The following SIAH1 variants were observed in gnomAD, a reference collection of about 807,000 sequenced individuals.
SIAH1 encodes the protein E3 ubiquitin-protein ligase SIAH1.
Under a neutral mutation model 20.0 loss-of-function variants are expected in SIAH1, and 2 were observed. That is an observed-to-expected ratio of 0.10 (90% CI 0.04 to 0.31). The LOEUF (loss-of-function observed/expected upper bound fraction) is 0.31. Among genes scored for constraint, SIAH1 ranks in the 10% least tolerant of loss-of-function variants. The pLI is 1.00. For synonymous variants in SIAH1, 118 were observed against 125.3 expected (o/e 0.94, Z 0.39); for missense variants, 119 against 355.3 (o/e 0.33, Z 5.35).
chr16:48,365,923 C>T, intron 1 of SIAH1: 1 of 1,221,726 alleles, frequency 8.2e-7, no homozygotes, highest in Non-Finnish European at 1.0e-6. Flanking sequence ...TTTGGAGCCT[C>T]GGCCGGGGCT....
intron 1 of SIAH1, among the ~76,000 whole-genome samples, chr16:48,383,184 A>G (rs1162078273): frequency 6.6e-6 from 1 of 152,234 alleles, no homozygotes; most frequent in Non-Finnish European, 1.5e-5. Context: ...TCAGTTTAAA[A>G]TATTAAATGT....
At chr16:48,385,615 T>C (rs1961442449), upstream of SIAH1, among the ~76,000 whole-genome samples, 1 of 151,978 alleles carries the variant, frequency 6.6e-6, no homozygotes, top group Admixed American at 6.5e-5. Flanking sequence ...GCTACTCGGC[T>C]ACCGTTGCTG....
intron 1 of SIAH1, among the ~76,000 whole-genome samples, chr16:48,378,313 AT>A (rs1254527702): frequency 6.6e-6 from 1 of 152,218 alleles, no homozygotes; most frequent in East Asian, 1.9e-4. Context: ...AGACTGTGCC[AT>A]TGCACTCCAG....
intron 1 of SIAH1, among the ~76,000 whole-genome samples, chr16:48,375,058 G>A (rs1040728784): frequency 6.6e-6 from 1 of 152,168 alleles, no homozygotes; most frequent in Non-Finnish European, 1.5e-5. Context: ...GCTACGGCAA[G>A]ATAATTACTT....
At chr16:48,376,640 C>T (rs182528631) in intron 1 of SIAH1, among the ~76,000 whole-genome samples, 19 of 152,046 alleles carry the variant, frequency 1.2e-4, no homozygotes, top group African/African-American at 3.9e-4. Context: ...TACTGGCGCC[C>T]GGCACTACAC....
chr16:48,375,445 G>T (rs543947385), intron 1 of SIAH1, among the ~76,000 whole-genome samples: 4 of 152,142 alleles, frequency 2.6e-5, no homozygotes, highest in Admixed American at 2.0e-4. Flanking sequence ...TTGGAGACCA[G>T]CCTGGCCAAC....
intron 1 of SIAH1, chr16:48,365,834 G>A (rs547557914): frequency 6.0e-5 from 75 of 1,249,502 alleles, no homozygotes; most frequent in Non-Finnish European, 6.8e-5. Context: ...TGCAGGGGGC[G>A]ACGCGCTGGC....
chr16:48,377,390 C>CT (rs774317002), intron 1 of SIAH1, among the ~76,000 whole-genome samples: 16,686 of 132,110 alleles, frequency 0.13, 1,428 homozygotes, highest in African/African-American at 0.22. Flanking sequence ...TTCTGGAAGA[C>CT]TTTTTTTTTT....
chr16:48,380,715 G>A (rs915318893), intron 1 of SIAH1, among the ~76,000 whole-genome samples: 25 of 151,824 alleles, frequency 1.6e-4, no homozygotes, highest in African/African-American at 5.1e-4. Context: ...CTTGAGGTCA[G>A]GAGTTCGAGA....
In SIAH1 at chr16:48,379,462, A is replaced by G. The variant is rs140453321; in HGVS notation, c.-3+5742T>C. On this transcript the variant is annotated intron_variant, in intron 1 of 1. Coordinates refer to ENST00000394725, the MANE Select transcript of SIAH1 (RefSeq NM_003031.4). ...GTAGGGCAAAGGGGAAACACAGGCA[A>G]TAAGGCTAGAGAAGTTTGTAAGAAA... is the stretch of plus-strand genomic sequence containing the variant. Among the ~76,000 whole-genome samples, 171 of 152,346 alleles carry G rather than the reference A, an allele frequency of 1.1e-3. 1 individual carries two copies. The highest frequency in any genetic ancestry group is 2.3e-3 in the Admixed American group (35 of 15,304).
intron 1 of SIAH1, among the ~76,000 whole-genome samples, chr16:48,367,012 T>A (rs1186765811): frequency 6.6e-6 from 1 of 151,842 alleles, no homozygotes. Context: ...GCTCGAGCAA[T>A]CCTCCCACCT....
At chr16:48,374,168 T>C (rs568113583) in intron 1 of SIAH1, among the ~76,000 whole-genome samples, 1 of 152,218 alleles carries the variant, frequency 6.6e-6, no homozygotes, top group African/African-American at 2.4e-5. Flanking sequence ...TATTTTTTAT[T>C]TGTTGTTATA....
chr16:48,383,814 T>C (rs916182013), intron 1 of SIAH1, among the ~76,000 whole-genome samples: 1 of 152,224 alleles, frequency 6.6e-6, no homozygotes, highest in African/African-American at 2.4e-5. Flanking sequence ...ATCTGTGACC[T>C]GATTTCACAA....
At chr16:48,385,779 C>G (rs553421564), upstream of SIAH1, among the ~76,000 whole-genome samples, 125 of 151,938 alleles carry the variant, frequency 8.2e-4, no homozygotes, top group South Asian at 5.6e-3. Context: ...GGTCGCCCAG[C>G]GGGATGCGAG....
chr16:48,362,340 G>A lies in SIAH1; in HGVS notation c.89C>T (p.Ala30Val). ...QRVPALTGTT[A>V]SNNDLASLFE... ...AAGACTCGCCAAGTCATTGTTGGAT[G>A]CAGTTGTGCCAGTCAGGGCAGGCAC... is the stretch of plus-strand genomic sequence containing the variant. Residue 30 changes from alanine to valine, a missense_variant, in exon 2 of 2, where the codon GCA (alanine) becomes GTA (valine). By Grantham distance (64) the Ala-to-Val change is moderately conservative. Around this residue, in one of 2 missense-constraint regions of SIAH1, gnomAD observed 35 missense variants for 47.5 expected, o/e 0.74. Coordinates refer to ENST00000394725, the MANE Select transcript of SIAH1 (RefSeq NM_003031.4). The surrounding 1 kb of genome is among the most constrained non-coding windows in gnomAD (Gnocchi z 4.2). 1 of 1,614,186 alleles carries A rather than the reference G, an allele frequency of 6.2e-7. No homozygotes were observed. Among genetic ancestry groups the A allele is most frequent in the Non-Finnish European group, 8.5e-7 (1 of 1,180,032 alleles).
intron 1 of SIAH1, among the ~76,000 whole-genome samples, chr16:48,384,638 C>A (rs1019704517): frequency 3.3e-5 from 5 of 151,094 alleles, no homozygotes; most frequent in African/African-American, 4.8e-5. Flanking sequence ...CCGTCCCGGA[C>A]GGCTCCAGCC....
At chr16:48,379,360 G>A (rs1357814832) in intron 1 of SIAH1, among the ~76,000 whole-genome samples, 3 of 152,168 alleles carry the variant, frequency 2.0e-5, no homozygotes, top group Non-Finnish European at 2.9e-5. Flanking sequence ...ACATTTCAGA[G>A]GCTAAATACA....
intron 1 of SIAH1, among the ~76,000 whole-genome samples, chr16:48,376,246 A>AAAAATATTGG (rs1217306066): frequency 6.6e-6 from 1 of 152,218 alleles, no homozygotes; most frequent in African/African-American, 2.4e-5. Flanking sequence ...ATTATTGGCA[A>AAAAATATTGG]CAAAAAATAT....
At chr16:48,371,039 G>A (rs957611237) in intron 1 of SIAH1, among the ~76,000 whole-genome samples, 3 of 151,732 alleles carry the variant, frequency 2.0e-5, no homozygotes, top group Non-Finnish European at 2.9e-5. Context: ...GCTTGAACCC[G>A]GGAGGGGGAG....
Sources: gnomAD v4.1 joint callset for allele counts (sites outside exome capture counted in the v4.1 genomes callset) on GRCh38, gnomAD v4.1.1 for gene constraint, gnomAD v4.1.1 regional missense constraint, Gnocchi (gnomAD v3.1) non-coding constraint, MANE v1.5 for transcripts, NCBI Gene and HGNC (gene_info 2026-07-23, HGNC 2026-07-21) for gene names.